The following RPL36 variants were observed in gnomAD, a reference collection of about 807,000 sequenced individuals.
RPL36 encodes large ribosomal subunit protein eL36.
For synonymous variants in RPL36, 74 were observed against 56.0 expected (o/e 1.32, Z -1.44); for missense variants, 131 against 144.9 (o/e 0.90, Z 0.49).
chr19:5,690,494 C>T lies in RPL36; in HGVS notation c.-2-12C>T, dbSNP rs1420825975. 2 of 1,537,228 alleles carry T rather than the reference C, an allele frequency of 1.3e-6. No homozygotes were observed. The highest frequency in any genetic ancestry group is 1.8e-6 in the Non-Finnish European group (2 of 1,134,298). On this transcript the variant is annotated splice_polypyrimidine_tract_variant and intron_variant, in intron 1 of 3. Transcript: ENST00000347512. ...ACTCACCTCCGCCCCTTCTCCCCGT[C>T]GCTGTCCGCAGCCATGGCCCTACGC...
chr19:5,690,732 T>A (rs1340306638), intron 2 of RPL36, 132 bp downstream of exon 2: 13 of 684,776 alleles, frequency 1.9e-5, no homozygotes, highest in African/African-American at 3.6e-5. Flanking sequence ...ATGGAAGAGA[T>A]GGGGTGGGGG....
At chr19:5,691,484 G>C in intron 3 of RPL36, 31 bp downstream of exon 3, 1 of 1,607,904 alleles carries the variant, frequency 6.2e-7, no homozygotes, top group Admixed American at 1.7e-5. Flanking sequence ...GAGGGGCGGG[G>C]TGGGATGGGA....
At position 5,690,552 on chromosome 19, in the gene RPL36, C is replaced by T. The variant is rs2145569295; in HGVS notation, c.45C>T (p.His15=). 1 of 1,571,138 alleles carries T rather than the reference C, an allele frequency of 6.4e-7. No homozygotes were observed. The highest frequency in any genetic ancestry group is 8.6e-7 in the Non-Finnish European group (1 of 1,158,894). ...YPMAVGLNKG[H]KVTKNVSKPR... The stretch of plus-strand genomic sequence containing the variant: ...TGGCCGTGGGCCTCAACAAGGGCCA[C>T]AAAGTGACCAAGAACGTGAGCAAGC... Residue 15 remains histidine, a synonymous_variant, in exon 2 of 4, where the codon CAC becomes CAT. Transcript: ENST00000347512.
rs763424013 is a variant in RPL36 at position 5,690,526 on chromosome 19, A to G, written c.19A>G (p.Met7Val). MALRYP[M>V]AVGLNKGHKV... is the part of the protein sequence containing the mutation. ...CGCAGCCATGGCCCTACGCTACCCT[A>G]TGGCCGTGGGCCTCAACAAGGGCCA... The change falls in exon 2 of 4, where the codon ATG becomes GTG. Residue 7 changes from methionine to valine, a missense_variant. Met to Val is a conservative substitution (Grantham distance 21, BLOSUM62 1). Coordinates refer to ENST00000347512, the MANE Select transcript of RPL36 (RefSeq NM_033643.3). 5.8e-6 allele frequency: 9 copies of G among 1,562,920 alleles called. No individual in the cohort carries two copies. The highest frequency in any genetic ancestry group is 7.8e-6 in the Non-Finnish European group (9 of 1,154,196).
Position 5,691,813 on chromosome 19 carries a change from C to T in RPL36, c.*192C>T. On this transcript the variant is annotated 3_prime_UTR_variant, in exon 4 of 4. Coordinates refer to ENST00000347512, the MANE Select transcript of RPL36 (RefSeq NM_033643.3). Reference sequence around the variant, plus strand: ...CGTGGCCCGCCCACCCTTCCCGGGGCAGCAGGTGAGGAAGCCGCCGTACTG... The same window carrying T: ...CGTGGCCCGCCCACCCTTCCCGGGGTAGCAGGTGAGGAAGCCGCCGTACTG... 1.2e-6 allele frequency: 1 copy of T among 820,476 alleles called. No individual in the cohort carries two copies. Among genetic ancestry groups the T allele is most frequent in the East Asian group, 2.7e-5 (1 of 37,488 alleles). 50.8% of individuals were successfully genotyped at this position (820,476 alleles called of 1,614,324 possible).
In RPL36 at chr19:5,691,699, G is replaced by A. The variant is rs765210645; in HGVS notation, c.*78G>A. 10 of 1,445,938 alleles carry A rather than the reference G, an allele frequency of 6.9e-6. No homozygotes were observed. The highest frequency in any genetic ancestry group is 9.5e-6 in the Non-Finnish European group (10 of 1,054,256). The allele number at this position is 1,445,938 out of a possible 1,614,324, so 89.6% of individuals were successfully genotyped here. On this transcript the variant is annotated 3_prime_UTR_variant, in exon 4 of 4. Transcript: ENST00000347512. ...GCTCTCCTGCTGTCCGTGGGTGGGT[G>A]TGGGTGTGTCGGGGGCCCGCAGTCC... is the stretch of plus-strand genomic sequence containing the variant.
chr19:5,690,950 G>A (rs1470626187), intron 2 of RPL36: 5 of 533,320 alleles, frequency 9.4e-6, no homozygotes, highest in Non-Finnish European at 1.7e-5. Flanking sequence ...TCAGTGTATT[G>A]GGCGCCTTTA....
Position 5,691,524 on chromosome 19 carries a change from C to G in RPL36, c.229-8C>G. 1.9e-6 allele frequency: 3 copies of G among 1,608,468 alleles called. No individual in the cohort carries two copies. The South Asian group carries it at 3.3e-5, about 18-fold the overall frequency. ...GGGCCGGGCTGACGGCGGCCTCGTC[C>G]CTGGCAGGTGGGGACGCACATCCGC... On this transcript the variant is annotated splice_region_variant and splice_polypyrimidine_tract_variant and intron_variant, in intron 3 of 3. Coordinates refer to ENST00000347512, the MANE Select transcript of RPL36 (RefSeq NM_033643.3).
intron 2 of RPL36, 99 bp from the exon 3 acceptor site, chr19:5,691,220 G>A: frequency 3.2e-6 from 5 of 1,562,944 alleles, no homozygotes; most frequent in Non-Finnish European, 4.4e-6. Flanking sequence ...ACCCACAGAG[G>A]GGAGGAAGTA....
At chr19:5,690,991 G>A (rs1029573012) in intron 2 of RPL36, 5 of 529,868 alleles carry the variant, frequency 9.4e-6, no homozygotes, top group African/African-American at 5.7e-5. Context: ...GGGTTCTGAC[G>A]CAGGAGTAAG....
chr19:5,691,336 C>T lies in RPL36; in HGVS notation c.111C>T (p.Thr37=), dbSNP rs778460357. 1 of 1,612,824 alleles carries T rather than the reference C, an allele frequency of 6.2e-7. No individual in the cohort carries two copies. Among genetic ancestry groups the T allele is most frequent in the African/African-American group, 1.3e-5 (1 of 74,882 alleles). ...SRRRGRLTKH[T]KFVRDMIREV... is the part of the protein sequence containing the mutation. ...CCCCCTAGCGTCTGACCAAACACAC[C>T]AAGTTCGTGCGGGACATGATTCGGG... Residue 37 remains threonine, a synonymous_variant, in exon 3 of 4, where the codon ACC becomes ACT. Transcript: ENST00000347512.
At chr19:5,691,257 G>T in intron 2 of RPL36, 62 bp from the exon 3 acceptor site, 1 of 1,608,894 alleles carries the variant, frequency 6.2e-7, no homozygotes, top group Non-Finnish European at 8.5e-7. Flanking sequence ...CAGCGCGAGA[G>T]AAGCTGCTTA....
rs900942952 is a variant in RPL36, at chr19:5,690,317, G to A, written c.-13G>A. 1 of 640,464 alleles carries A rather than the reference G, an allele frequency of 1.6e-6. No individual in the cohort carries two copies. The highest frequency in any genetic ancestry group is 2.8e-6 in the Non-Finnish European group (1 of 351,882). The allele number at this position is 640,464 out of a possible 1,614,324, so 39.7% of individuals were successfully genotyped here. On this transcript the variant is annotated 5_prime_UTR_variant, in exon 1 of 4. Transcript: ENST00000347512. ...AGCCCTTCCGCCACGGCCGTCTCTG[G>A]AGAGCAGCAGGTAAGTGGTTTCCCG...
chr19:5,690,498 G>T lies in RPL36; in HGVS notation c.-2-8G>T, dbSNP rs201910502. ...ACCTCCGCCCCTTCTCCCCGTCGCT[G>T]TCCGCAGCCATGGCCCTACGCTACC... On this transcript the variant is annotated splice_polypyrimidine_tract_variant and splice_region_variant and intron_variant, in intron 1 of 3. Transcript: ENST00000347512. The T allele has an allele frequency of 7.8e-6, 12 of 1,541,220 alleles. No individual in the cohort carries two copies. Among genetic ancestry groups the T allele is most frequent in the African/African-American group, 1.4e-5 (1 of 73,194 alleles).
chr19:5,691,329 A>C lies in RPL36; in HGVS notation c.104A>C (p.Lys35Thr). 6.2e-7 allele frequency: 1 copy of C among 1,612,788 alleles called. No homozygotes were observed. The highest frequency in any genetic ancestry group is 1.3e-5 in the African/African-American group (1 of 74,992). Reference sequence around the variant, plus strand: ...CCCTTTCCCCCCTAGCGTCTGACCAAACACACCAAGTTCGTGCGGGACATG... The same window carrying C: ...CCCTTTCCCCCCTAGCGTCTGACCACACACACCAAGTTCGTGCGGGACATG... ...RHSRRRGRLT[K>T]HTKFVRDMIR... is the part of the protein sequence containing the mutation. Residue 35 changes from lysine to threonine, a missense_variant, in exon 3 of 4, where the codon AAA (lysine) becomes ACA (threonine). Transcript: ENST00000347512.
chr19:5,691,639 T>C lies in RPL36; in HGVS notation c.*18T>C, dbSNP rs1476714727. 3 of 1,591,766 alleles carry C rather than the reference T, an allele frequency of 1.9e-6. No homozygotes were observed. Among genetic ancestry groups the C allele is most frequent in the African/African-American group, 1.3e-5 (1 of 74,630 alleles). ...AAGACTGAGCCCCTCCCCTGCCCTC[T>C]CCCTGAAATAAAGAACAGCTTGACA... On this transcript the variant is annotated 3_prime_UTR_variant, in exon 4 of 4. Coordinates refer to ENST00000347512, the MANE Select transcript of RPL36 (RefSeq NM_033643.3).
In RPL36 at chr19:5,691,575, G is replaced by C. The variant is rs1379256735; in HGVS notation, c.272G>C (p.Ser91Thr). 1 of 1,611,432 alleles carries C rather than the reference G, an allele frequency of 6.2e-7. No individual in the cohort carries two copies. Residue 91 changes from serine to threonine, a missense_variant, in exon 4 of 4, where the codon AGC becomes ACC. Physicochemically the swap from Ser to Thr is moderately conservative, Grantham distance 58. Transcript: ENST00000347512. ...IRAKRKREEL[S>T]NVLAAMRKAA... ...GCCAAGAGGAAGCGGGAGGAGCTGAGCAACGTACTGGCCGCCATGAGGAAA... is the reference window on the plus strand; with the variant it reads ...GCCAAGAGGAAGCGGGAGGAGCTGACCAACGTACTGGCCGCCATGAGGAAA...
intron 1 of RPL36, 23 bp downstream of exon 1, chr19:5,690,350 G>A (rs1022962239): frequency 5.2e-5 from 36 of 686,860 alleles, no homozygotes; most frequent in Middle Eastern, 7.6e-4. Flanking sequence ...CCGCACTGCC[G>A]GTATCCGCCG....
rs1252265474 is a variant in RPL36 at position 5,691,680 on chromosome 19, C to T, written c.*59C>T. ...CAGCTTGACAGAAGCCCTGGCTCTC[C>T]TGCTGTCCGTGGGTGGGTGTGGGTG... On this transcript the variant is annotated 3_prime_UTR_variant, in exon 4 of 4. Transcript: ENST00000347512. 1.8e-5 allele frequency: 27 copies of T among 1,523,612 alleles called. No individual in the cohort carries two copies. The highest frequency in any genetic ancestry group is 2.2e-5 in the Non-Finnish European group (25 of 1,122,498). 94.4% of individuals were successfully genotyped at this position (1,523,612 alleles called of 1,614,324 possible).
Sources: gnomAD v4.1 joint callset for allele counts on GRCh38, gnomAD v4.1.1 for gene constraint, MANE v1.5 for transcripts, NCBI Gene and HGNC (gene_info 2026-07-23, HGNC 2026-07-21) for gene names.